The following TAFA2 variants were observed in gnomAD, a reference collection of about 807,000 sequenced individuals.
TAFA2 encodes TAFA chemokine like family member 2.
A neutral mutation model predicts 18.8 loss-of-function variants in TAFA2; 7 were observed. The observed-to-expected ratio is 0.37, with a 90% CI of 0.21 to 0.70. TAFA2 has a LOEUF of 0.70. TAFA2 is among the 30% of genes least tolerant of loss of function. TAFA2 has a pLI of 0.53. For synonymous variants in TAFA2, 60 were observed against 54.2 expected, an observed-to-expected ratio of 1.11 and a Z score of -0.47; for missense variants, 122 against 158.1, an observed-to-expected ratio of 0.77 and a Z score of 1.23.
intron 1 of TAFA2, among the ~76,000 whole-genome samples, chr12:62,100,554 T>C (rs920887233): frequency 1.3e-5 from 2 of 152,210 alleles, no homozygotes; most frequent in African/African-American, 4.8e-5. Flanking sequence ...CTTACCCACC[T>C]GTTAGATCAC....
At chr12:61,837,434 T>C (rs1345481239) in intron 2 of TAFA2, among the ~76,000 whole-genome samples, 2 of 152,022 alleles carry the variant, frequency 1.3e-5, no homozygotes, top group Non-Finnish European at 2.9e-5. Flanking sequence ...TTCTAATATA[T>C]AACTATCTTA....
chr12:62,007,481 A>G (rs1002065277), intron 1 of TAFA2, among the ~76,000 whole-genome samples: 1 of 152,220 alleles, frequency 6.6e-6, no homozygotes, highest in Non-Finnish European at 1.5e-5. Flanking sequence ...AAGAGAACCT[A>G]GTTCATAGTA....
At position 61,988,477 on chromosome 12, in the gene TAFA2, T is replaced by C. The variant is rs549769618; in HGVS notation, c.-1-121051A>G. On this transcript the variant is annotated intron_variant, in intron 1 of 4. Transcript: ENST00000416284. ...GACAAACTCTGCTGGTAATAAAATG[T>C]TGGAGGAGTTTTTCAAATGATACTT... is the stretch of plus-strand genomic sequence containing the variant. 5.9e-4 allele frequency among the ~76,000 whole-genome samples: 90 copies of C among 152,216 alleles called. 1 individual carries two copies. The highest frequency in any genetic ancestry group is 2.1e-3 in the African/African-American group (87 of 41,532).
At chr12:62,259,920 A>T, upstream of TAFA2, 1 of 163,674 alleles carries the variant, frequency 6.1e-6, no homozygotes, top group Admixed American at 6.0e-5. Flanking sequence ...GGGTTCTCCC[A>T]CTCGTAACGA....
intron 1 of TAFA2, among the ~76,000 whole-genome samples, chr12:62,241,667 T>C (rs937411583): frequency 2.6e-5 from 4 of 152,222 alleles, no homozygotes; most frequent in African/African-American, 9.7e-5. Context: ...AAGATTTGTA[T>C]GTTACCTACA....
chr12:62,027,764 A>G (rs1205657411), intron 1 of TAFA2, among the ~76,000 whole-genome samples: 1 of 152,158 alleles, frequency 6.6e-6, no homozygotes, highest in Non-Finnish European at 1.5e-5. Flanking sequence ...GTACACAAGG[A>G]TTCATTAATT....
intron 1 of TAFA2, among the ~76,000 whole-genome samples, chr12:62,176,435 C>T (rs940449301): frequency 2.7e-5 from 4 of 150,368 alleles, no homozygotes; most frequent in African/African-American, 9.8e-5. Context: ...ATTTCTTACA[C>T]AGCAAAGAGC....
At chr12:62,077,713 C>T (rs576919943) in intron 1 of TAFA2, among the ~76,000 whole-genome samples, 59 of 152,262 alleles carry the variant, frequency 3.9e-4, no homozygotes, top group Non-Finnish European at 7.1e-4. Context: ...TCCAGTATTG[C>T]CTGTCTGCCC....
chr12:61,765,639 TA>T (rs1426323104), intron 2 of TAFA2, among the ~76,000 whole-genome samples: 5 of 152,108 alleles, frequency 3.3e-5, no homozygotes, highest in Admixed American at 6.6e-5. Flanking sequence ...GGAATTGTGA[TA>T]TTACCTACCA....
At chr12:62,157,542 G>A (rs527817744) in intron 1 of TAFA2, among the ~76,000 whole-genome samples, 3 of 152,234 alleles carry the variant, frequency 2.0e-5, no homozygotes, top group South Asian at 2.1e-4. Context: ...ACCACTCTGC[G>A]GTCCAGTCTG....
At chr12:62,208,664 A>G (rs1019716760) in intron 1 of TAFA2, among the ~76,000 whole-genome samples, 1 of 152,230 alleles carries the variant, frequency 6.6e-6, no homozygotes, top group African/African-American at 2.4e-5. Flanking sequence ...GAATAGTCTC[A>G]GAAGTACCGA....
At chr12:61,973,390 T>G (rs1053146068) in intron 1 of TAFA2, among the ~76,000 whole-genome samples, 1 of 115,744 alleles carries the variant, frequency 8.6e-6, no homozygotes, top group Admixed American at 1.1e-4. Flanking sequence ...GAAAATATTA[T>G]TTAGATTTTT....
In TAFA2 at chr12:61,859,357, G is replaced by A. The variant is rs187264752; in HGVS notation, c.106+7963C>T. Among the ~76,000 whole-genome samples the A allele has an allele frequency of 2.8e-4, 43 of 152,318 alleles. No individual in the cohort carries two copies. The East Asian group carries it at 7.7e-3, about 27-fold the overall frequency. The stretch of plus-strand genomic sequence containing the variant: ...CATCTGCTCCCACCATTGACACGTG[G>A]GGATTATCCCCACCCAATTCAAGGT... On this transcript the variant is annotated intron_variant, in intron 2 of 4. Coordinates refer to ENST00000416284, the MANE Select transcript of TAFA2 (RefSeq NM_178539.5).
At chr12:62,044,036 C>G (rs1881841025) in intron 1 of TAFA2, among the ~76,000 whole-genome samples, 1 of 152,130 alleles carries the variant, frequency 6.6e-6, no homozygotes, top group Admixed American at 6.6e-5. Flanking sequence ...AAGTGTTCTA[C>G]ACAATCTGCA....
chr12:61,747,543 T>G (rs377147150), intron 4 of TAFA2, among the ~76,000 whole-genome samples: 7,382 of 149,626 alleles, frequency 0.049, 295 homozygotes, highest in East Asian at 0.21. Flanking sequence ...CCATAAAAAA[T>G]GATGAGTTCA....
At chr12:62,082,489 G>A (rs1280055732) in intron 1 of TAFA2, among the ~76,000 whole-genome samples, 1 of 152,114 alleles carries the variant, frequency 6.6e-6, no homozygotes, top group East Asian at 1.9e-4. Context: ...CACAGTCAAT[G>A]TTTGTTGATG....
chr12:62,207,370 C>T (rs2062696338), intron 1 of TAFA2: 1 of 152,080 alleles, frequency 6.6e-6, no homozygotes, highest in Non-Finnish European at 1.5e-5. Flanking sequence ...TACTGCTGAT[C>T]CTAAGAGTTA....
At chr12:61,769,991 T>C (rs78688589) in intron 2 of TAFA2, among the ~76,000 whole-genome samples, 4,645 of 151,780 alleles carry the variant, frequency 0.031, 235 homozygotes, top group African/African-American at 0.11. Flanking sequence ...ATCAAAAAAA[T>C]GATACAGGAT....
intron 4 of TAFA2, 79 bp downstream of exon 4, chr12:61,753,543 C>G (rs1869118707): frequency 1.5e-6 from 2 of 1,339,290 alleles, no homozygotes; most frequent in Non-Finnish European, 2.0e-6. Context: ...ACAATTGCCA[C>G]TTAAATTGGT....
Sources: gnomAD v4.1 joint callset for allele counts (sites outside exome capture counted in the v4.1 genomes callset) on GRCh38, gnomAD v4.1.1 for gene constraint, MANE v1.5 for transcripts, NCBI Gene and HGNC (gene_info 2026-07-23, HGNC 2026-07-21) for gene names.